Variants in EHMT1 observed in about 807,000 individuals in gnomAD.
EHMT1 encodes euchromatic histone lysine methyltransferase 1, also known as histone-lysine N-methyltransferase EHMT1.
In EHMT1, 15 loss-of-function variants were observed where a neutral mutation model predicts 147.2. That is an observed-to-expected ratio of 0.10 (90% CI 0.07 to 0.16). The LOEUF is 0.16. Among genes scored for constraint, EHMT1 ranks in the 10% least tolerant of loss-of-function variants. The probability of loss-of-function intolerance (pLI) is 1.00; values close to 1 mark genes in which losing one functional copy is unlikely to be tolerated. For synonymous variants in EHMT1, 795 were observed against 709.6 expected, an observed-to-expected ratio of 1.12 and a Z score of -1.91; for missense variants, 1,587 against 1,772.4, an observed-to-expected ratio of 0.90 and a Z score of 1.88.
At chr9:137,769,375 T>G (rs1564726863) in intron 10 of EHMT1, among the ~76,000 whole-genome samples, 1 of 152,262 alleles carries the variant, frequency 6.6e-6, no homozygotes, top group Non-Finnish European at 1.5e-5. Flanking sequence ...ATTATTATAT[T>G]GTATCTAAAG....
chr9:137,753,651 G>A (rs753163870), intron 7 of EHMT1, among the ~76,000 whole-genome samples: 13 of 152,228 alleles, frequency 8.5e-5, no homozygotes, highest in Non-Finnish European at 1.5e-4. Flanking sequence ...CTGTGCATCC[G>A]TGTGTGACAT....
rs778919891 is a variant in EHMT1, at chr9:137,821,318, C to CTTTTTTTTTTT, written c.3540+3195_3540+3205dup. On this transcript the variant is annotated intron_variant, in intron 25 of 26. Coordinates refer to ENST00000460843, the MANE Select transcript of EHMT1 (RefSeq NM_024757.5). ...ACAGGCATGAGCCACTGCGCCCGGC[C>CTTTTTTTTTTT]TTTTTTTTTTTTTTTTTTTTTTTTT... is the stretch of plus-strand genomic sequence containing the variant. Among the ~76,000 whole-genome samples, 3 of 63,984 alleles carry CTTTTTTTTTTT rather than the reference C, an allele frequency of 4.7e-5. No individual in the cohort carries two copies. The East Asian group carries it at 1.7e-3, about 36-fold the overall frequency. The allele number at this position is 63,984 out of a possible 152,430, so 42.0% of individuals were successfully genotyped here.
chr9:137,698,064 G>A (rs1188152842), intron 1 of EHMT1, among the ~76,000 whole-genome samples: 4 of 152,222 alleles, frequency 2.6e-5, no homozygotes, highest in Non-Finnish European at 4.4e-5. Flanking sequence ...TGAGGGCGGC[G>A]TGGCTCGCGG....
chr9:137,675,807 G>A (rs1191624177), intron 1 of EHMT1, among the ~76,000 whole-genome samples: 1 of 81,840 alleles, frequency 1.2e-5, no homozygotes, highest in African/African-American at 6.6e-5. Flanking sequence ...TTTTTTAGAC[G>A]GAGTCTCGCT....
At chr9:137,821,390 T>C (rs1955413259) in intron 25 of EHMT1, among the ~76,000 whole-genome samples, 1 of 137,594 alleles carries the variant, frequency 7.3e-6, no homozygotes, top group Non-Finnish European at 1.5e-5. Context: ...TGCAGTGGCA[T>C]AATCATAGCT....
chr9:137,662,799 TA>T (rs373025411), intron 1 of EHMT1, among the ~76,000 whole-genome samples: 29,178 of 148,566 alleles, frequency 0.2, 3,132 homozygotes, highest in Admixed American at 0.31. Flanking sequence ...TTTATTTATT[TA>T]TTTATTTATT....
chr9:137,701,921 G>A (rs772741718), intron 1 of EHMT1, among the ~76,000 whole-genome samples: 4 of 151,972 alleles, frequency 2.6e-5, no homozygotes, highest in African/African-American at 4.8e-5. Flanking sequence ...AGCCTCTCAA[G>A]TAGCTGGGAT....
intron 25 of EHMT1, chr9:137,823,467 A>C: frequency 2.8e-6 from 1 of 354,380 alleles, no homozygotes; most frequent in South Asian, 1.9e-5. Flanking sequence ...GCTGGAGTGC[A>C]GTGACACAAT....
intron 1 of EHMT1, chr9:137,641,538 A>G (rs1412342365): frequency 4.2e-5 from 15 of 354,508 alleles, no homozygotes; most frequent in Non-Finnish European, 7.5e-5. Flanking sequence ...ATCAATTCTC[A>G]TCTGCCCTGA....
rs1295081756 is a variant in EHMT1, at chr9:137,828,733, C to T, written c.3541-5616C>T. Among the ~76,000 whole-genome samples, 1 of 152,088 alleles carries T rather than the reference C, an allele frequency of 6.6e-6. No homozygotes were observed. Among genetic ancestry groups the T allele is most frequent in the Non-Finnish European group, 1.5e-5 (1 of 68,000 alleles). Reference sequence around the variant, plus strand: ...TAGAGCATCTCTAAGGCCGGTGGTTCTGGACAGAAAAACCACAAAAATGAG... The same window carrying T: ...TAGAGCATCTCTAAGGCCGGTGGTTTTGGACAGAAAAACCACAAAAATGAG... On this transcript the variant is annotated intron_variant, in intron 25 of 26. Coordinates refer to ENST00000460843, the MANE Select transcript of EHMT1 (RefSeq NM_024757.5). This position sits in a 1 kb window ranked among gnomAD's most constrained non-coding sequence, Gnocchi z 5.3.
intron 1 of EHMT1, among the ~76,000 whole-genome samples, chr9:137,678,423 G>A (rs1264433065): frequency 6.6e-6 from 1 of 152,118 alleles, no homozygotes. Flanking sequence ...ACTTTTTATT[G>A]TGAAATAATT....
intron 1 of EHMT1, among the ~76,000 whole-genome samples, chr9:137,626,096 A>G (rs1270649600): frequency 1.4e-5 from 2 of 147,604 alleles, no homozygotes; most frequent in African/African-American, 5.0e-5. Context: ...CAAACTCCTG[A>G]CCTCAGGTGA....
At chr9:137,745,849 G>A (rs1048482068) in intron 6 of EHMT1, 3 of 279,904 alleles carry the variant, frequency 1.1e-5, no homozygotes, top group Non-Finnish European at 2.0e-5. Context: ...AGAGACCTGA[G>A]GGGTGTGGTT....
At chr9:137,754,926 C>T (rs1949263623) in intron 8 of EHMT1, among the ~76,000 whole-genome samples, 1 of 152,144 alleles carries the variant, frequency 6.6e-6, no homozygotes, top group African/African-American at 2.4e-5. Flanking sequence ...AGGAAGCGGC[C>T]CCTCAGTGAG....
intron 1 of EHMT1, among the ~76,000 whole-genome samples, chr9:137,686,865 G>A (rs1942492204): frequency 6.6e-6 from 1 of 151,876 alleles, no homozygotes. Context: ...CGAGTAGCTG[G>A]GACTACGGGC....
chr9:137,742,166 G>C (rs1948143076), intron 4 of EHMT1, among the ~76,000 whole-genome samples: 1 of 152,184 alleles, frequency 6.6e-6, no homozygotes, highest in Non-Finnish European at 1.5e-5. Flanking sequence ...CCTTACTCCA[G>C]AGCGGATTGC....
chr9:137,639,684 T>C (rs1251570035), intron 1 of EHMT1, among the ~76,000 whole-genome samples: 1 of 152,254 alleles, frequency 6.6e-6, no homozygotes, highest in African/African-American at 2.4e-5. Flanking sequence ...TTTTAATCTC[T>C]TTGTATCTTC....
intron 18 of EHMT1, among the ~76,000 whole-genome samples, chr9:137,807,795 A>G (rs1174317805): frequency 3.9e-5 from 6 of 152,146 alleles, no homozygotes; most frequent in Non-Finnish European, 8.8e-5. Context: ...AGTGTGAGCC[A>G]CCTCACCCAG....
chr9:137,631,537 C>T (rs1843631366), intron 1 of EHMT1, among the ~76,000 whole-genome samples: 1 of 152,122 alleles, frequency 6.6e-6, no homozygotes, highest in Admixed American at 6.6e-5. Flanking sequence ...CACTTAAGGA[C>T]ATTTTGGTCC....
Sources: gnomAD v4.1 joint callset for allele counts (sites outside exome capture counted in the v4.1 genomes callset) on GRCh38, gnomAD v4.1.1 for gene constraint, Gnocchi (gnomAD v3.1) non-coding constraint, MANE v1.5 for transcripts, NCBI Gene and HGNC (gene_info 2026-07-23, HGNC 2026-07-21) for gene names.